Variants in PIGU observed in about 807,000 individuals in gnomAD.
PIGU encodes GPI-anchor transamidase component PIGU.
PIGU carries 24 observed loss-of-function variants against 49.9 expected under a neutral mutation model. The ratio of observed to expected loss-of-function variants is 0.48; its 90% CI spans 0.35 to 0.68. The LOEUF (loss-of-function observed/expected upper bound fraction) is 0.68, where lower values mean the gene tolerates loss of function less well. PIGU is among the 30% of genes least tolerant of loss of function. PIGU has a pLI of 0.01. For missense variants in PIGU, 490 were observed against 532.6 expected (o/e 0.92, Z 0.79); for synonymous variants, 220 against 205.7 (o/e 1.07, Z -0.59).
At chr20:34,656,763 CAA>C (rs66812401) in intron 2 of PIGU, among the ~76,000 whole-genome samples, 77 of 98,798 alleles carry the variant, frequency 7.8e-4, no homozygotes, top group Admixed American at 1.8e-3. Context: ...AAGACCCTGC[CAA>C]AAAAAAAAAA....
intron 1 of PIGU, among the ~76,000 whole-genome samples, chr20:34,669,782 A>G (rs1412661124): frequency 6.6e-6 from 1 of 152,114 alleles, no homozygotes; most frequent in Non-Finnish European, 1.5e-5. Context: ...ATCATGATAT[A>G]TAATCAGGAA....
At chr20:34,674,589 G>A (rs1028198182) in intron 1 of PIGU, among the ~76,000 whole-genome samples, 1 of 151,940 alleles carries the variant, frequency 6.6e-6, no homozygotes, top group Non-Finnish European at 1.5e-5. Context: ...AGACATAAAA[G>A]AATTCAGGAA....
intron 1 of PIGU, among the ~76,000 whole-genome samples, chr20:34,670,995 A>T (rs1382227597): frequency 6.6e-6 from 1 of 152,220 alleles, no homozygotes; most frequent in African/African-American, 2.4e-5. Context: ...GAAAGTTTCT[A>T]ACATTATTCC....
Position 34,585,583 on chromosome 20 carries a change from G to A in PIGU, c.783-3C>T. On this transcript the variant is annotated splice_region_variant and splice_polypyrimidine_tract_variant and intron_variant, in intron 8 of 11. Transcript: ENST00000217446. The stretch of plus-strand genomic sequence containing the variant: ...GAGTGAGATCTGGAACAGAAAGTCT[G>A]GAATTAAGAAAACAAAGGGAGAGAA... 1 of 1,611,620 alleles carries A rather than the reference G, an allele frequency of 6.2e-7. No homozygotes were observed. Among genetic ancestry groups the A allele is most frequent in the African/African-American group, 1.3e-5 (1 of 74,730 alleles).
chr20:34,598,402 C>T (rs1159415888), intron 7 of PIGU, among the ~76,000 whole-genome samples: 1 of 152,108 alleles, frequency 6.6e-6, no homozygotes. Flanking sequence ...CAAGGAGGAG[C>T]TAAGCCATTT....
chr20:34,603,338 G>T (rs1206267872), intron 7 of PIGU, among the ~76,000 whole-genome samples: 1 of 152,072 alleles, frequency 6.6e-6, no homozygotes, highest in East Asian at 1.9e-4. Flanking sequence ...GTTTTCATTT[G>T]TAAGTTGAAA....
intron 11 of PIGU, among the ~76,000 whole-genome samples, chr20:34,574,007 G>A (rs1983120202): frequency 6.6e-6 from 1 of 152,238 alleles, no homozygotes; most frequent in Non-Finnish European, 1.5e-5. Context: ...AATTACCCTG[G>A]GGATTATTCA....
chr20:34,586,908 C>T (rs1052376117), intron 8 of PIGU, among the ~76,000 whole-genome samples: 2 of 152,150 alleles, frequency 1.3e-5, no homozygotes, highest in African/African-American at 4.8e-5. Context: ...GCTCTTTAAC[C>T]CACTTATGCT....
intron 9 of PIGU, among the ~76,000 whole-genome samples, chr20:34,583,735 G>A (rs1036898220): frequency 1.3e-5 from 2 of 152,240 alleles, no homozygotes; most frequent in African/African-American, 4.8e-5. Context: ...GAGCTCAGCT[G>A]GGCAAGGCTG....
intron 7 of PIGU, among the ~76,000 whole-genome samples, chr20:34,614,700 A>G (rs928137729): frequency 2.0e-5 from 3 of 152,204 alleles, no homozygotes; most frequent in African/African-American, 7.2e-5. Flanking sequence ...ACATAAATAA[A>G]GACATATCTC....
chr20:34,612,697 C>T (rs1413353951), intron 7 of PIGU, among the ~76,000 whole-genome samples: 4 of 150,678 alleles, frequency 2.7e-5, no homozygotes, highest in Non-Finnish European at 1.5e-5. Context: ...GATCTAGGCT[C>T]CTGCAACCTC....
At chr20:34,587,358 T>G (rs959092152) in intron 8 of PIGU, among the ~76,000 whole-genome samples, 125 of 151,774 alleles carry the variant, frequency 8.2e-4, no homozygotes, top group African/African-American at 2.6e-3. Context: ...GTCGGGGGGG[T>G]TTTAACTGAC....
At chr20:34,619,505 A>T (rs1484305114) in intron 6 of PIGU, among the ~76,000 whole-genome samples, 1 of 152,186 alleles carries the variant, frequency 6.6e-6, no homozygotes, top group Non-Finnish European at 1.5e-5. Context: ...TACGGATTGA[A>T]AGCAGGCGAG....
At chr20:34,642,986 A>G (rs952264961) in intron 4 of PIGU, among the ~76,000 whole-genome samples, 1 of 151,938 alleles carries the variant, frequency 6.6e-6, no homozygotes, top group Non-Finnish European at 1.5e-5. Flanking sequence ...GAGAACAGTC[A>G]CTGCTAATTT....
chr20:34,638,810 G>A (rs905946418), intron 4 of PIGU, among the ~76,000 whole-genome samples: 1 of 152,110 alleles, frequency 6.6e-6, no homozygotes, highest in Non-Finnish European at 1.5e-5. Flanking sequence ...CAAGTTCATG[G>A]GTGTGTTCCA....
chr20:34,609,772 C>T (rs370408316), intron 7 of PIGU, among the ~76,000 whole-genome samples: 18 of 152,264 alleles, frequency 1.2e-4, no homozygotes, highest in Middle Eastern at 6.8e-3. Flanking sequence ...TTGGCTGTGT[C>T]CCCATTCAAA....
intron 7 of PIGU, among the ~76,000 whole-genome samples, chr20:34,606,116 G>A (rs1415411110): frequency 2.0e-5 from 3 of 151,976 alleles, no homozygotes; most frequent in Non-Finnish European, 2.9e-5. Flanking sequence ...TTAGCCAGGC[G>A]TGGTGGCAGG....
Position 34,676,295 on chromosome 20 carries a change from T to C in PIGU, c.130+661A>G, listed in dbSNP as rs551784852. Among the ~76,000 whole-genome samples the C allele has an allele frequency of 5.3e-5, 8 of 152,310 alleles. No individual in the cohort carries two copies. In the South Asian group the frequency reaches 1.2e-3, roughly 24 times the overall value. On this transcript the variant is annotated intron_variant, in intron 1 of 11. Coordinates refer to ENST00000217446, the MANE Select transcript of PIGU (RefSeq NM_080476.5). Reference sequence around the variant, plus strand: ...AGGGTCAGAATACTAAGGAAGGAACTGGGTGGACACATAAAGTATACTTTT... The same window carrying C: ...AGGGTCAGAATACTAAGGAAGGAACCGGGTGGACACATAAAGTATACTTTT...
At position 34,677,063 on chromosome 20, in the gene PIGU, A is replaced by C; in HGVS notation, c.23T>G (p.Val8Gly). Residue 8 changes from valine (V) to glycine (G), a missense_variant, in exon 1 of 12, where the codon GTG becomes GGG. Coordinates refer to ENST00000217446, the MANE Select transcript of PIGU (RefSeq NM_080476.5). MAAPLVL[V>G]LVVAVTVRAA... ...CCGCACTGTCACAGCCACCACCAGC[A>C]CCAGGACCAAGGGAGCCGCCATGAT... 1 of 1,567,516 alleles carries C rather than the reference A, an allele frequency of 6.4e-7. No homozygotes were observed. The highest frequency in any genetic ancestry group is 8.6e-7 in the Non-Finnish European group (1 of 1,156,564).
Sources: allele counts gnomAD v4.1 joint callset (sites outside exome capture counted in the v4.1 genomes callset), GRCh38; gene constraint gnomAD v4.1.1; transcripts MANE v1.5; gene names NCBI Gene and HGNC (gene_info 2026-07-23, HGNC 2026-07-21).